The following CPSF2 variants were observed in gnomAD, a reference collection of about 807,000 sequenced individuals.
The protein encoded by CPSF2 is cleavage and polyadenylation specific factor 2.
CPSF2 carries 51 observed loss-of-function variants against 84.2 expected under a neutral mutation model. That is an observed-to-expected ratio of 0.61 (90% CI 0.48 to 0.77). The LOEUF is 0.77. Ranked by LOEUF, CPSF2 falls within the 30% of genes least tolerant of loss-of-function variation. CPSF2 has a pLI of 0.00. For synonymous variants in CPSF2, 286 were observed against 311.9 expected (o/e 0.92, Z 0.87); for missense variants, 641 against 929.4 (o/e 0.69, Z 4.03).
intron 2 of CPSF2, among the ~76,000 whole-genome samples, chr14:92,128,671 A>G (rs547578813): frequency 7.2e-5 from 11 of 152,298 alleles, no homozygotes; most frequent in African/African-American, 2.6e-4. Flanking sequence ...ACCTGAGTAA[A>G]AACAGGAGGG....
intron 7 of CPSF2, among the ~76,000 whole-genome samples, chr14:92,141,486 G>C (rs2069077997): frequency 6.6e-6 from 1 of 152,022 alleles, no homozygotes; most frequent in Non-Finnish European, 1.5e-5. Context: ...GTGCCACCAT[G>C]CCCGGCTAAT....
At position 92,165,123 on chromosome 14, in the gene CPSF2, A is replaced by G. The variant is rs193069108; in HGVS notation, c.*3379A>G. ...GTATCAGTACCCTTTTTGTGACTGA[A>G]TATTATTCCACCGAATGGATATACC... On this transcript the variant is annotated 3_prime_UTR_variant, in exon 16 of 16. Coordinates refer to ENST00000298875, the MANE Select transcript of CPSF2 (RefSeq NM_017437.3). The G allele has an allele frequency of 4.3e-4, 66 of 152,276 alleles. No homozygotes were observed. Among genetic ancestry groups the G allele is most frequent in the Middle Eastern group, 6.8e-3 (2 of 294 alleles). The allele number at this position is 152,276 out of a possible 1,614,324, so 9.4% of individuals were successfully genotyped here.
Position 92,157,800 on chromosome 14 carries a change from C to T in CPSF2, c.1737C>T (p.Arg579=), listed in dbSNP as rs146590887. ...EASQDLAECC[R]AFGGKDIKVY... is the part of the protein sequence containing the mutation. ...GTCAAGATCTGGCAGAGTGCTGTCG[C>T]GCCTTTGGTGGGAAAGATATTAAAG... The change falls in exon 13 of 16, where the codon CGC becomes CGT. Residue 579 remains arginine, a synonymous_variant. Coordinates refer to ENST00000298875, the MANE Select transcript of CPSF2 (RefSeq NM_017437.3). The surrounding 1 kb of genome is among the most constrained non-coding windows in gnomAD (Gnocchi z 4.0). 3.9e-3 allele frequency: 6,239 copies of T among 1,614,064 alleles called. 19 individuals carry two copies. The highest frequency in any genetic ancestry group is 0.012 in the Middle Eastern group (74 of 6,062).
intron 2 of CPSF2, among the ~76,000 whole-genome samples, chr14:92,128,247 A>G (rs887079101): frequency 2.0e-5 from 3 of 150,374 alleles, no homozygotes; most frequent in South Asian, 2.1e-4. Context: ...AAAAAAAAAG[A>G]AAAAAAATGG....
chr14:92,151,994 G>A (rs2069224633), intron 9 of CPSF2, among the ~76,000 whole-genome samples: 1 of 127,624 alleles, frequency 7.8e-6, no homozygotes, highest in African/African-American at 3.1e-5. Flanking sequence ...CTGGGCAATG[G>A]AGCAAGACCC....
At chr14:92,131,847 A>T (rs1000522496) in intron 3 of CPSF2, among the ~76,000 whole-genome samples, 4 of 150,194 alleles carry the variant, frequency 2.7e-5, no homozygotes, top group African/African-American at 4.9e-5. Flanking sequence ...CAAAAAAAAA[A>T]TAAGATAAAA....
At chr14:92,153,050 T>G (rs1390653027) in intron 9 of CPSF2, among the ~76,000 whole-genome samples, 1 of 114,074 alleles carries the variant, frequency 8.8e-6, no homozygotes, top group Admixed American at 9.5e-5. Flanking sequence ...GTAGAAATAC[T>G]GTGTCAAATG....
chr14:92,132,536 C>T (rs1419820191), intron 3 of CPSF2, among the ~76,000 whole-genome samples: 4 of 151,268 alleles, frequency 2.6e-5, no homozygotes, highest in East Asian at 2.0e-4. Context: ...CTTTGGGAGG[C>T]CGAGGCGGGC....
intron 13 of CPSF2, 68 bp from the exon 14 acceptor site, chr14:92,158,915 G>A: frequency 7.4e-7 from 1 of 1,346,708 alleles, no homozygotes; most frequent in Non-Finnish European, 1.0e-6. Flanking sequence ...AATGATAATA[G>A]GTTATATTTA....
intron 9 of CPSF2, among the ~76,000 whole-genome samples, chr14:92,144,593 A>C (rs1316735041): frequency 6.6e-6 from 1 of 152,030 alleles, no homozygotes; most frequent in East Asian, 1.9e-4. Flanking sequence ...ACTCTCCTAC[A>C]CTTCTGTTTT....
chr14:92,159,916 A>C (rs924586776), intron 14 of CPSF2, among the ~76,000 whole-genome samples: 1 of 151,660 alleles, frequency 6.6e-6, no homozygotes, highest in South Asian at 2.1e-4. Context: ...GCCTGCTTCC[A>C]GTCAGGAGAT....
At chr14:92,152,108 TTTTA>T (rs1237043057) in intron 9 of CPSF2, among the ~76,000 whole-genome samples, 1 of 151,690 alleles carries the variant, frequency 6.6e-6, no homozygotes, top group Non-Finnish European at 1.5e-5. Flanking sequence ...TGCCATGTGG[TTTTA>T]TTTATTATTT....
intron 9 of CPSF2, among the ~76,000 whole-genome samples, chr14:92,146,711 A>T (rs1200279488): frequency 6.7e-6 from 1 of 149,860 alleles, no homozygotes; most frequent in Non-Finnish European, 1.5e-5. Flanking sequence ...ATTTCATGTC[A>T]TTCACTTGCT....
rs1210414879 is a variant in CPSF2, at chr14:92,153,698, A to C, written c.1141-660A>C. On this transcript the variant is annotated intron_variant, in intron 9 of 15. Coordinates refer to ENST00000298875, the MANE Select transcript of CPSF2 (RefSeq NM_017437.3). ...GGGACTACAGGTGCATGCTACCACT[A>C]CTGGCTTTTTTTTTTTTTTTTCTGA... 2.9e-5 allele frequency among the ~76,000 whole-genome samples: 4 copies of C among 137,660 alleles called. No individual in the cohort carries two copies. The South Asian group carries it at 7.1e-4, about 24-fold the overall frequency. 90.3% of individuals were successfully genotyped at this position (137,660 alleles called of 152,430 possible).
intron 1 of CPSF2, 49 bp from the exon 2 acceptor site, chr14:92,126,073 A>G (rs1372074211): frequency 3.3e-5 from 5 of 152,238 alleles, no homozygotes; most frequent in African/African-American, 1.2e-4. Flanking sequence ...AATTATAAAC[A>G]GAATGAAATC....
chr14:92,135,179 T>G (rs1211257108), intron 5 of CPSF2, among the ~76,000 whole-genome samples, 188 bp from the exon 6 acceptor site: 2 of 152,214 alleles, frequency 1.3e-5, no homozygotes, highest in Non-Finnish European at 2.9e-5. Context: ...AATGTTTGCC[T>G]CTAGTGAGGG....
At chr14:92,145,353 C>G (rs2069130478) in intron 9 of CPSF2, among the ~76,000 whole-genome samples, 1 of 149,876 alleles carries the variant, frequency 6.7e-6, no homozygotes, top group South Asian at 2.1e-4. Context: ...TACACCACCC[C>G]CTAACCCACT....
chr14:92,141,665 TG>T (rs1264534038), intron 7 of CPSF2, among the ~76,000 whole-genome samples: 2 of 152,134 alleles, frequency 1.3e-5, no homozygotes, highest in Non-Finnish European at 1.5e-5. Flanking sequence ...CTGATGGTTT[TG>T]GTATTCGTGG....
chr14:92,138,443 T>A (rs566227904), intron 7 of CPSF2, 96 bp downstream of exon 7: 4 of 599,816 alleles, frequency 6.7e-6, no homozygotes, highest in Non-Finnish European at 1.1e-5. Context: ...TTTCTTTTTT[T>A]TTTTGAGACG....
Sources: allele counts gnomAD v4.1 joint callset (sites outside exome capture counted in the v4.1 genomes callset), GRCh38; gene constraint gnomAD v4.1.1; non-coding constraint Gnocchi (gnomAD v3.1); transcripts MANE v1.5; gene names NCBI Gene and HGNC (gene_info 2026-07-23, HGNC 2026-07-21).